The following TMEM135 variants were observed in gnomAD, a reference collection of about 807,000 sequenced individuals.
The protein encoded by TMEM135 is transmembrane protein 135.
Under a neutral mutation model 60.3 loss-of-function variants are expected in TMEM135, and 30 were observed. The ratio of observed to expected loss-of-function variants is 0.50; its 90% CI spans 0.37 to 0.68. TMEM135 has a LOEUF of 0.68. Ranked by LOEUF, TMEM135 falls within the 30% of genes least tolerant of loss-of-function variation. The pLI is 0.00. For synonymous variants in TMEM135, 190 were observed against 186.7 expected, an observed-to-expected ratio of 1.02 and a Z score of -0.14; for missense variants, 468 against 548.8, an observed-to-expected ratio of 0.85 and a Z score of 1.47.
At chr11:87,295,847 T>TGA in intron 7 of TMEM135, 24 bp downstream of exon 7, 1 of 1,584,130 alleles carries the variant, frequency 6.3e-7, no homozygotes, top group Non-Finnish European at 8.7e-7. Flanking sequence ...ATTTTTATGT[T>TGA]GAGAGAGAAT....
chr11:87,161,277 C>G (rs1938870893), intron 5 of TMEM135, among the ~76,000 whole-genome samples: 1 of 152,082 alleles, frequency 6.6e-6, no homozygotes, highest in African/African-American at 2.4e-5. Context: ...GAATGAACTG[C>G]AGATTCAATA....
chr11:87,106,134 C>G (rs2135191315), intron 4 of TMEM135, among the ~76,000 whole-genome samples: 1 of 151,506 alleles, frequency 6.6e-6, no homozygotes, highest in African/African-American at 2.4e-5. Context: ...GACAGAGTCT[C>G]TCTCTGTTGC....
chr11:87,203,278 AT>A lies in TMEM135; in HGVS notation c.463-33359del, dbSNP rs368033685. Among the ~76,000 whole-genome samples the A allele has an allele frequency of 2.7e-3, 405 of 152,246 alleles. 1 individual carries two copies. Among genetic ancestry groups the A allele is most frequent in the South Asian group, 0.02 (96 of 4,820 alleles). On this transcript the variant is annotated intron_variant, in intron 5 of 14. Coordinates refer to ENST00000305494, the MANE Select transcript of TMEM135 (RefSeq NM_022918.4). Reference sequence around the variant, plus strand: ...TTGTACATTCTATGGGTTTGGATGAATGTATAATGACATGTATCCATCATTA... The same window carrying A: ...TTGTACATTCTATGGGTTTGGATGAAGTATAATGACATGTATCCATCATTA...
At chr11:87,116,351 A>G (rs371343478) in intron 4 of TMEM135, among the ~76,000 whole-genome samples, 3 of 152,342 alleles carry the variant, frequency 2.0e-5, no homozygotes, top group South Asian at 4.1e-4. Context: ...TTGCATTTCA[A>G]TCAGAATATG....
chr11:87,322,220 G>C lies in TMEM135; in HGVS notation c.*887G>C, dbSNP rs1320096046. The C allele has an allele frequency of 2.2e-6, 1 of 454,342 alleles. No individual in the cohort carries two copies. The highest frequency in any genetic ancestry group is 2.4e-5 in the Admixed American group (1 of 42,546). The allele number at this position is 454,342 out of a possible 1,614,324, so 28.1% of individuals were successfully genotyped here. On this transcript the variant is annotated 3_prime_UTR_variant, in exon 15 of 15. Transcript: ENST00000305494. The stretch of plus-strand genomic sequence containing the variant: ...CAGTTTATATGCCATTGTTGTATTA[G>C]AAGGGATCAAAATCCTATGGAACAA...
intron 5 of TMEM135, among the ~76,000 whole-genome samples, chr11:87,215,479 C>T (rs1179927125): frequency 6.6e-6 from 1 of 152,136 alleles, no homozygotes; most frequent in African/African-American, 2.4e-5. Context: ...CATGGTGTCA[C>T]CTGTTAAGTT....
chr11:87,070,754 A>G (rs1856760303), intron 2 of TMEM135, among the ~76,000 whole-genome samples: 1 of 152,378 alleles, frequency 6.6e-6, no homozygotes, highest in South Asian at 2.1e-4. Flanking sequence ...AATATACTCT[A>G]GTACATGAAA....
chr11:87,175,614 T>C (rs1939348199), intron 5 of TMEM135, among the ~76,000 whole-genome samples: 1 of 152,148 alleles, frequency 6.6e-6, no homozygotes, highest in African/African-American at 2.4e-5. Flanking sequence ...CAACATCTGT[T>C]TAAGTATGGA....
rs141312875 is a variant in TMEM135 at position 87,325,733 on chromosome 11, G to A, written c.*4400G>A. On this transcript the variant is annotated 3_prime_UTR_variant, in exon 15 of 15. Coordinates refer to ENST00000305494, the MANE Select transcript of TMEM135 (RefSeq NM_022918.4). ...TTTTTATATGCTCTGTTTTTCTTAG[G>A]CAGGATGATGTAGAAGATAATTGCA... is the stretch of plus-strand genomic sequence containing the variant. 211 of 453,790 alleles carry A rather than the reference G, an allele frequency of 4.6e-4. No homozygotes were observed. Among genetic ancestry groups the A allele is most frequent in the African/African-American group, 3.9e-3 (196 of 50,014 alleles). 28.1% of individuals were successfully genotyped at this position (453,790 alleles called of 1,614,324 possible).
chr11:87,221,212 T>C (rs1332791852), intron 5 of TMEM135, among the ~76,000 whole-genome samples: 1 of 152,294 alleles, frequency 6.6e-6, no homozygotes, highest in East Asian at 1.9e-4. Context: ...TAAAATACCA[T>C]ATGAGGATTG....
intron 5 of TMEM135, among the ~76,000 whole-genome samples, chr11:87,220,338 T>G (rs1335172271): frequency 6.6e-6 from 1 of 152,204 alleles, no homozygotes; most frequent in Non-Finnish European, 1.5e-5. Flanking sequence ...AAGTCCTATA[T>G]TTAACACACT....
At chr11:87,089,357 G>A (rs967239330) in intron 3 of TMEM135, among the ~76,000 whole-genome samples, 9 of 152,102 alleles carry the variant, frequency 5.9e-5, no homozygotes, top group African/African-American at 2.2e-4. Flanking sequence ...AGCATAGCGA[G>A]ACTGTGTCTC....
intron 1 of TMEM135, 142 bp downstream of exon 1, chr11:87,038,328 G>T (rs1378130044): frequency 2.3e-6 from 2 of 861,090 alleles, no homozygotes; most frequent in African/African-American, 1.7e-5. Context: ...TTGGGGGGTC[G>T]GTAGGGGGAA....
chr11:87,328,410 T>A lies in TMEM135; in HGVS notation c.*7077T>A, dbSNP rs897540819. 4.4e-6 allele frequency: 2 copies of A among 454,014 alleles called. No individual in the cohort carries two copies. The highest frequency in any genetic ancestry group is 4.0e-5 in the African/African-American group (2 of 50,014). The allele number at this position is 454,014 out of a possible 1,614,324, so 28.1% of individuals were successfully genotyped here. On this transcript the variant is annotated 3_prime_UTR_variant, in exon 15 of 15. Coordinates refer to ENST00000305494, the MANE Select transcript of TMEM135 (RefSeq NM_022918.4). ...GGGGTACAAGTGGTTTTTGGTTGCA[T>A]GGATGAATTGTATATTGGTGAAGTC...
intron 5 of TMEM135, among the ~76,000 whole-genome samples, chr11:87,235,787 G>T (rs567297911): frequency 6.6e-6 from 1 of 151,862 alleles, no homozygotes. Flanking sequence ...CGTTAGTCAG[G>T]ACTGGAGTTC....
In TMEM135 at chr11:87,117,717, C is replaced by T. The variant is rs143999462; in HGVS notation, c.396+26322C>T. On this transcript the variant is annotated intron_variant, in intron 4 of 14. Coordinates refer to ENST00000305494, the MANE Select transcript of TMEM135 (RefSeq NM_022918.4). ...CCTTCACTGGTCTTGAACCCCTCTA[C>T]GTCATCTATGAGGGTGAGAATCAGT... Among the ~76,000 whole-genome samples, 92 of 152,266 alleles carry T rather than the reference C, an allele frequency of 6.0e-4. 1 individual carries two copies. In the East Asian group the frequency reaches 0.012, roughly 19 times the overall value.
chr11:87,051,637 A>G (rs1949842035), intron 1 of TMEM135, among the ~76,000 whole-genome samples: 1 of 38,542 alleles, frequency 2.6e-5, no homozygotes, highest in Non-Finnish European at 3.8e-5. Flanking sequence ...GGAGAACTAC[A>G]AACCACTGCT....
chr11:87,174,343 C>T (rs990645327), intron 5 of TMEM135, among the ~76,000 whole-genome samples: 1 of 152,116 alleles, frequency 6.6e-6, no homozygotes, highest in Non-Finnish European at 1.5e-5. Flanking sequence ...CTGCCAATAT[C>T]CCCATATCAT....
chr11:87,071,578 G>A lies in TMEM135; in HGVS notation c.325G>A (p.Ala109Thr), dbSNP rs1326762607. 6.2e-7 allele frequency: 1 copy of A among 1,613,720 alleles called. No homozygotes were observed. Among genetic ancestry groups the A allele is most frequent in the Admixed American group, 1.7e-5 (1 of 59,980 alleles). The change falls in exon 3 of 15, where the codon GCA becomes ACA. Residue 109 changes from alanine to threonine, a missense_variant. By Grantham distance (58) the Ala-to-Thr change is moderately conservative (BLOSUM62 0). Transcript: ENST00000305494. ...TCCTGGCTTTGGTGCCGCTCTGCCA[G>A]CATCTTATGTGGCCATTCTCATTGA... ...WTPGFGAALP[A>T]SYVAILIERK...
Sources: allele counts gnomAD v4.1 joint callset (sites outside exome capture counted in the v4.1 genomes callset), GRCh38; gene constraint gnomAD v4.1.1; transcripts MANE v1.5; gene names NCBI Gene and HGNC (gene_info 2026-07-23, HGNC 2026-07-21).